Variants in PCNX2 observed in about 807,000 individuals in gnomAD.
The protein encoded by PCNX2 is pecanex-like protein 2.
In PCNX2, 168 loss-of-function variants were observed where a neutral mutation model predicts 223.8. The ratio of observed to expected loss-of-function variants is 0.75; its 90% confidence interval spans 0.66 to 0.85. The LOEUF (loss-of-function observed/expected upper bound fraction) is 0.85. Among genes scored for constraint, PCNX2 ranks in the 40% least tolerant of loss-of-function variants. The probability of loss-of-function intolerance (pLI) is 0.00; values close to 1 mark genes in which losing one functional copy is unlikely to be tolerated. For missense variants in PCNX2, 2,507 were observed against 2,675.5 expected (o/e 0.94, Z 1.39); for synonymous variants, 1,006 against 1,052.6 (o/e 0.96, Z 0.86).
In PCNX2 at chr1:233,228,820, C is replaced by T. The variant is rs114702655; in HGVS notation, c.2359-1449G>A. On this transcript the variant is annotated intron_variant, in intron 9 of 33. Coordinates refer to ENST00000258229, the MANE Select transcript of PCNX2 (RefSeq NM_014801.4). ...CCTGCTTTCAATTCTTTTGGATATA[C>T]ACTCAGAAATAGAATTGCTGGATTA... 2.3e-3 allele frequency among the ~76,000 whole-genome samples: 349 copies of T among 152,342 alleles called. 1 individual carries two copies. The highest frequency in any genetic ancestry group is 7.5e-3 in the African/African-American group (313 of 41,584).
At chr1:233,007,843 T>A (rs1356939718) in intron 28 of PCNX2, among the ~76,000 whole-genome samples, 1 of 150,040 alleles carries the variant, frequency 6.7e-6, no homozygotes, top group East Asian at 2.0e-4. Flanking sequence ...GCCCGGCTAT[T>A]TTTTTTTGTA....
chr1:233,292,198 CTTTCTTTT>C (rs1415251982), intron 1 of PCNX2, among the ~76,000 whole-genome samples: 6 of 134,350 alleles, frequency 4.5e-5, no homozygotes, highest in African/African-American at 1.5e-4. Context: ...TTCTTTCTTT[CTTTCTTTT>C]TTTTTTTTTT....
Position 233,263,096 on chromosome 1 carries a change from A to T in PCNX2, c.221T>A (p.Ile74Asn). The T allele has an allele frequency of 1.9e-6, 3 of 1,613,384 alleles. No individual in the cohort carries two copies. Among genetic ancestry groups the T allele is most frequent in the Non-Finnish European group, 2.5e-6 (3 of 1,179,518 alleles). ...CSAVTIFFTIIKLVSYRLHLM... is the reference protein window; with the variant it reads ...CSAVTIFFTINKLVSYRLHLM... Reference sequence around the variant, plus strand: ...GTGTAGGCGATAACTGACCAGTTTGATTATTGTGAAGAATATAGTCACTGC... The same window carrying T: ...GTGTAGGCGATAACTGACCAGTTTGTTTATTGTGAAGAATATAGTCACTGC... The change falls in exon 2 of 34, where the codon ATC (isoleucine) becomes AAC (asparagine). Residue 74 changes from isoleucine to asparagine, a missense_variant. Transcript: ENST00000258229.
intron 33 of PCNX2, 96 bp downstream of exon 33, chr1:232,985,996 G>C (rs1353299150): frequency 7.5e-7 from 1 of 1,340,062 alleles, no homozygotes. Flanking sequence ...GGTTCTGCAG[G>C]CAGAAGGGTG....
chr1:233,179,746 G>C (rs994551775), intron 15 of PCNX2, among the ~76,000 whole-genome samples: 3 of 152,210 alleles, frequency 2.0e-5, no homozygotes, highest in South Asian at 2.1e-4. Context: ...CTTTAGCCCA[G>C]TTAGTTGCTT....
intron 28 of PCNX2, among the ~76,000 whole-genome samples, chr1:233,007,097 G>C (rs891203154): frequency 6.6e-6 from 1 of 151,784 alleles, no homozygotes; most frequent in East Asian, 1.9e-4. Flanking sequence ...ATGTACAGTC[G>C]CACATGCCTG....
At position 233,218,158 on chromosome 1, in the gene PCNX2, A is replaced by G. The variant is rs1404928038; in HGVS notation, c.2531T>C (p.Leu844Pro). The G allele has an allele frequency of 6.8e-7, 1 of 1,461,864 alleles. No homozygotes were observed. Among genetic ancestry groups the G allele is most frequent in the African/African-American group, 1.5e-5 (1 of 67,418 alleles). 90.6% of individuals were successfully genotyped at this position (1,461,864 alleles called of 1,614,324 possible). ...AACCAGGACAATGAGTAAAATCGCC[A>G]GTACATTCTCCTTGATGTCTTCAGT... Reference protein sequence around the residue: ...DRTEDIKENVLAILLIVLVSL... With the variant: ...DRTEDIKENVPAILLIVLVSL... Residue 844 changes from leucine (L) to proline (P), a missense_variant, in exon 11 of 34, where the codon CTG becomes CCG. Physicochemically the swap from Leu to Pro is moderately conservative, Grantham distance 98 (BLOSUM62 -3). Coordinates refer to ENST00000258229, the MANE Select transcript of PCNX2 (RefSeq NM_014801.4).
At chr1:233,129,377 C>T (rs557703388) in intron 21 of PCNX2, among the ~76,000 whole-genome samples, 1 of 152,324 alleles carries the variant, frequency 6.6e-6, no homozygotes, top group South Asian at 2.1e-4. Flanking sequence ...CCCGCCATGC[C>T]TAAGCTTCCC....
chr1:233,054,059 CCACAAGTTTA>C (rs1672101657), intron 25 of PCNX2, among the ~76,000 whole-genome samples, 199 bp downstream of exon 25: 1 of 152,116 alleles, frequency 6.6e-6, no homozygotes, highest in African/African-American at 2.4e-5. Context: ...GTTTGCTAAT[CCACAAGTTTA>C]CATGCCATTC....
intron 19 of PCNX2, among the ~76,000 whole-genome samples, chr1:233,148,033 C>T (rs973278669): frequency 6.6e-6 from 1 of 152,150 alleles, no homozygotes; most frequent in Non-Finnish European, 1.5e-5. Context: ...TAATTCAGCT[C>T]TAGTTTACTG....
intron 1 of PCNX2, among the ~76,000 whole-genome samples, chr1:233,292,444 A>G (rs1350752781): frequency 6.6e-6 from 1 of 152,092 alleles, no homozygotes; most frequent in Non-Finnish European, 1.5e-5. Flanking sequence ...CCTAATCTCA[A>G]GGGATCCACC....
At chr1:233,270,656 A>G (rs1252647626) in intron 1 of PCNX2, among the ~76,000 whole-genome samples, 1 of 152,156 alleles carries the variant, frequency 6.6e-6, no homozygotes, top group Non-Finnish European at 1.5e-5. Context: ...GTAGAATAGA[A>G]CACTTTGTCT....
In PCNX2 at chr1:233,057,306, A is replaced by G. The variant is rs778063898; in HGVS notation, c.4077-16T>C. Reference sequence around the variant, plus strand: ...TCGCCTTGTACTAGAAGAGGCCACAAAAGGGTAAAAGGTCATGATTAGATC... The same window carrying G: ...TCGCCTTGTACTAGAAGAGGCCACAGAAGGGTAAAAGGTCATGATTAGATC... On this transcript the variant is annotated splice_polypyrimidine_tract_variant and intron_variant, in intron 23 of 33. Coordinates refer to ENST00000258229, the MANE Select transcript of PCNX2 (RefSeq NM_014801.4). The G allele has an allele frequency of 6.3e-7, 1 of 1,592,598 alleles. No homozygotes were observed. Among genetic ancestry groups the G allele is most frequent in the Non-Finnish European group, 8.6e-7 (1 of 1,163,354 alleles).
chr1:233,184,137 T>A (rs1456427594), intron 15 of PCNX2, among the ~76,000 whole-genome samples: 2 of 152,248 alleles, frequency 1.3e-5, no homozygotes, highest in Admixed American at 6.5e-5. Context: ...TGGAACCTTT[T>A]CTCTCACATG....
chr1:233,038,740 C>T (rs1671542823), intron 25 of PCNX2, among the ~76,000 whole-genome samples: 1 of 152,190 alleles, frequency 6.6e-6, no homozygotes. Flanking sequence ...AGTGGGAAAG[C>T]TATTGCTCTG....
the PCNX2 span, among the ~76,000 whole-genome samples, chr1:233,308,887 A>C: frequency 2.0e-5 from 3 of 152,202 alleles, 1 homozygote; most frequent in Admixed American, 2.0e-4. Flanking sequence ...ATGACACAAA[A>C]TATGTTGGTA....
Position 233,227,252 on chromosome 1 carries a change from T to A in PCNX2, c.2478A>T (p.Arg826=). Residue 826 remains arginine, a synonymous_variant, in exon 10 of 34, where the codon CGA becomes CGT. Transcript: ENST00000258229. ...PGKWIKVWYD[R]LTLLALLDRT... Reference sequence around the variant, plus strand: ...GATCAAGTAATGCCAGCAAGGTCAGTCGATCATACCAGACTTTAATCCACT... The same window carrying A: ...GATCAAGTAATGCCAGCAAGGTCAGACGATCATACCAGACTTTAATCCACT... 1 of 1,612,876 alleles carries A rather than the reference T, an allele frequency of 6.2e-7. No homozygotes were observed. Among genetic ancestry groups the A allele is most frequent in the African/African-American group, 1.3e-5 (1 of 75,012 alleles).
intron 20 of PCNX2, 42 bp from the exon 21 acceptor site, chr1:233,135,232 C>T (rs1397477678): frequency 1.9e-6 from 3 of 1,559,964 alleles, no homozygotes; most frequent in African/African-American, 2.7e-5. Flanking sequence ...TGACAGTGTG[C>T]ACACTGCTGG....
chr1:232,986,848 T>A (rs1669508986), intron 32 of PCNX2, among the ~76,000 whole-genome samples: 1 of 152,212 alleles, frequency 6.6e-6, no homozygotes, highest in African/African-American at 2.4e-5. Context: ...TTCCTGGTTC[T>A]AGCACTGAAA....
Sources: gnomAD v4.1 joint callset for allele counts (sites outside exome capture counted in the v4.1 genomes callset) on GRCh38, gnomAD v4.1.1 for gene constraint, MANE v1.5 for transcripts, NCBI Gene and HGNC (gene_info 2026-07-23, HGNC 2026-07-21) for gene names.